Variants in NRG1 observed in about 807,000 individuals in gnomAD.
NRG1 encodes neuregulin 1.
In NRG1, 18 loss-of-function variants were observed where a neutral mutation model predicts 63.8. The ratio of observed to expected loss-of-function variants is 0.28; its 90% CI spans 0.19 to 0.42. The LOEUF (loss-of-function observed/expected upper bound fraction) is 0.42, where lower values mean the gene tolerates loss of function less well. Ranked by LOEUF, NRG1 falls within the 10% of genes least tolerant of loss-of-function variation. The pLI is 1.00. For synonymous variants in NRG1, 302 were observed against 301.3 expected (o/e 1.00, Z -0.02); for missense variants, 762 against 814.7 (o/e 0.94, Z 0.79).
intron 1 of NRG1, among the ~76,000 whole-genome samples, chr8:32,440,591 C>T (rs963253985): frequency 6.6e-6 from 1 of 152,094 alleles, no homozygotes; most frequent in Non-Finnish European, 1.5e-5. Flanking sequence ...AATTTGTGAA[C>T]GTGTAAGTCA....
At chr8:31,935,077 A>G (rs553743684) in intron 1 of NRG1, among the ~76,000 whole-genome samples, 3 of 152,136 alleles carry the variant, frequency 2.0e-5, no homozygotes, top group Admixed American at 2.0e-4. Flanking sequence ...CGGCCTCCTG[A>G]GTAGCCAGTA....
intron 1 of NRG1, among the ~76,000 whole-genome samples, chr8:32,131,647 T>C (rs977791386): frequency 1.3e-5 from 2 of 152,024 alleles, no homozygotes; most frequent in African/African-American, 4.8e-5. Context: ...GAAAAGGGCA[T>C]GAAAGTAAAT....
chr8:32,255,484 G>A (rs192040039), intron 1 of NRG1, among the ~76,000 whole-genome samples: 85 of 152,302 alleles, frequency 5.6e-4, no homozygotes, highest in African/African-American at 1.9e-3. Context: ...ATTCTGGGTT[G>A]AAAATTCTTT....
rs753594390 is a variant in NRG1, at chr8:32,648,372, G to A, written c.502+31487G>A. ...AACAACAGAAACTAATCTCCAAACTGCTCCTAAACTTTGTAAGTAGAGAGA... is the reference window on the plus strand; with the variant it reads ...AACAACAGAAACTAATCTCCAAACTACTCCTAAACTTTGTAAGTAGAGAGA... On this transcript the variant is annotated intron_variant, in intron 5 of 11. Transcript: ENST00000356819. 8.1e-6 allele frequency: 13 copies of A among 1,613,634 alleles called. No individual in the cohort carries two copies. In the Admixed American group the frequency reaches 2.0e-4, roughly 25 times the overall value.
At chr8:32,177,630 G>A (rs977027240) in intron 1 of NRG1, among the ~76,000 whole-genome samples, 5 of 151,836 alleles carry the variant, frequency 3.3e-5, no homozygotes, top group African/African-American at 1.2e-4. Flanking sequence ...ACTTATGAGT[G>A]AGAACATGCG....
intron 1 of NRG1, among the ~76,000 whole-genome samples, chr8:32,422,278 T>A (rs1816788440): frequency 6.6e-6 from 1 of 152,196 alleles, no homozygotes. Context: ...ATGTATATGA[T>A]CATATTAAAC....
rs575897391 is a variant in NRG1, at chr8:32,274,146, G to T, written c.38-321682G>T. ...TTTGGGTCATTTTGTAATCATCTTT[G>T]GTGCTTCAGTGACTAAAAAATACAT... On this transcript the variant is annotated intron_variant, in intron 1 of 10. Coordinates refer to the NRG1 transcript ENST00000519301. Among the ~76,000 whole-genome samples the T allele has an allele frequency of 3.0e-4, 46 of 152,254 alleles. No individual in the cohort carries two copies. In the South Asian group the frequency reaches 8.3e-3, roughly 27 times the overall value.
intron 1 of NRG1, among the ~76,000 whole-genome samples, chr8:32,074,262 C>A (rs747508952): frequency 6.6e-6 from 1 of 152,180 alleles, no homozygotes; most frequent in African/African-American, 2.4e-5. Context: ...ATCTTTCTAG[C>A]AGCCAGCTGT....
At chr8:32,463,004 T>C (rs1055216173) in intron 1 of NRG1, among the ~76,000 whole-genome samples, 4 of 152,126 alleles carry the variant, frequency 2.6e-5, no homozygotes, top group Admixed American at 6.5e-5. Flanking sequence ...ACTCTCTGTT[T>C]CTATGTATTT....
chr8:31,788,258 T>G (rs1820371641), intron 1 of NRG1, among the ~76,000 whole-genome samples: 1 of 152,178 alleles, frequency 6.6e-6, no homozygotes, highest in South Asian at 2.1e-4. Flanking sequence ...GAGGTACACA[T>G]ATTTAGGCTT....
chr8:32,758,113 G>A (rs538874140), intron 9 of NRG1, among the ~76,000 whole-genome samples: 5 of 152,260 alleles, frequency 3.3e-5, no homozygotes, highest in East Asian at 1.9e-4. Flanking sequence ...CCCGCAGACC[G>A]TCAGATTATA....
chr8:31,757,064 C>T (rs530569445), intron 1 of NRG1, among the ~76,000 whole-genome samples: 1 of 152,236 alleles, frequency 6.6e-6, no homozygotes, highest in South Asian at 2.1e-4. Flanking sequence ...TTTTGCAGCA[C>T]TTATTTTATA....
At chr8:32,434,366 A>G (rs945833994) in intron 1 of NRG1, among the ~76,000 whole-genome samples, 1 of 152,148 alleles carries the variant, frequency 6.6e-6, no homozygotes, top group Admixed American at 6.6e-5. Flanking sequence ...TTTAATACTA[A>G]CAATGCCTGT....
rs951373070 is a variant in NRG1 at position 31,721,776 on chromosome 8, T to C, written c.37+82345T>C. Reference sequence around the variant, plus strand: ...CAGTTCCATCTCTCTTGACCTTTTCTTTGTTTGCTATGTATATTGCATCTC... The same window carrying C: ...CAGTTCCATCTCTCTTGACCTTTTCCTTGTTTGCTATGTATATTGCATCTC... On this transcript the variant is annotated intron_variant, in intron 1 of 10. Coordinates refer to the NRG1 transcript ENST00000519301. Among the ~76,000 whole-genome samples, 3 of 152,168 alleles carry C rather than the reference T, an allele frequency of 2.0e-5. 1 individual carries two copies. Among genetic ancestry groups the C allele is most frequent in the Admixed American group, 6.6e-5 (1 of 15,264 alleles).
At chr8:32,387,273 T>C (rs953705935) in intron 1 of NRG1, among the ~76,000 whole-genome samples, 3 of 152,206 alleles carry the variant, frequency 2.0e-5, no homozygotes, top group African/African-American at 4.8e-5. Flanking sequence ...GATGTGACTA[T>C]TGTGATGTCA....
intron 1 of NRG1, among the ~76,000 whole-genome samples, chr8:32,374,549 T>C (rs1809367109): frequency 6.6e-6 from 1 of 152,170 alleles, no homozygotes; most frequent in Non-Finnish European, 1.5e-5. Context: ...GTTTGACGAA[T>C]AGCAAATAAA....
intron 1 of NRG1, among the ~76,000 whole-genome samples, chr8:31,812,310 T>C (rs1822968949): frequency 6.6e-6 from 1 of 152,164 alleles, no homozygotes; most frequent in Non-Finnish European, 1.5e-5. Context: ...CTGGTTGTCA[T>C]TTTCAGGGTT....
intron 1 of NRG1, among the ~76,000 whole-genome samples, chr8:32,430,765 A>T (rs1818031261): frequency 6.7e-6 from 1 of 148,722 alleles, no homozygotes; most frequent in South Asian, 2.1e-4. Context: ...ATTATACCTC[A>T]TGTTACACTG....
chr8:32,304,560 T>C (rs1318407805), intron 1 of NRG1, among the ~76,000 whole-genome samples: 1 of 151,920 alleles, frequency 6.6e-6, no homozygotes, highest in African/African-American at 2.4e-5. Flanking sequence ...GATTTTTGAC[T>C]TTTAAATATT....
Sources: allele counts gnomAD v4.1 joint callset (sites outside exome capture counted in the v4.1 genomes callset), GRCh38; gene constraint gnomAD v4.1.1; transcripts MANE v1.5; gene names NCBI Gene and HGNC (gene_info 2026-07-23, HGNC 2026-07-21).